Variants in DGKK observed in about 807,000 individuals in gnomAD.
DGKK encodes diacylglycerol kinase kappa.
DGKK carries 35 observed loss-of-function variants against 92.2 expected under a neutral mutation model. That is an observed-to-expected ratio of 0.38 (90% CI 0.29 to 0.50). The LOEUF is 0.50. Among genes scored for constraint, DGKK ranks in the 20% least tolerant of loss-of-function variants. The pLI, the probability that DGKK is intolerant of heterozygous loss-of-function variation, is 0.92. For missense variants in DGKK, 910 were observed against 992.2 expected (o/e 0.92, Z 1.11); for synonymous variants, 368 against 360.6 (o/e 1.02, Z -0.23).
intron 17 of DGKK, among the ~76,000 whole-genome samples, chrX:50,382,822 GCTTCAGTGGGAT>G (rs1274410937): frequency 1.4e-4 from 16 of 111,864 alleles, no homozygotes; most frequent in African/African-American, 5.2e-4. Flanking sequence ...CAGTTGGGAA[GCTTCAGTGGGAT>G]TGGAACTCAT....
rs186576845 is a variant in DGKK, at chrX:50,390,924, T to C, written c.1844+513A>G. ...CAATGTAAGCAAGTTATTTCTAAACTCTCCCTCCATCCCTTTTTTAGTTTC... is the reference window on the plus strand; with the variant it reads ...CAATGTAAGCAAGTTATTTCTAAACCCTCCCTCCATCCCTTTTTTAGTTTC... On this transcript the variant is annotated intron_variant, in intron 11 of 27. Transcript: ENST00000611977. 7.2e-5 allele frequency among the ~76,000 whole-genome samples: 8 copies of C among 111,528 alleles called. No individual in the cohort carries two copies. In the East Asian group the frequency reaches 2.3e-3, roughly 32 times the overall value.
At position 50,368,939 on chromosome X, in the gene DGKK, G is replaced by C; in HGVS notation, c.*1C>G. The C allele has an allele frequency of 4.2e-6, 5 of 1,203,838 alleles. No homozygotes were observed. Among genetic ancestry groups the C allele is most frequent in the Non-Finnish European group, 5.6e-6 (5 of 890,829 alleles). Reference sequence around the variant, plus strand: ...TTGTGAGTTCTTCCAGCTTTCAAGGGCTACAGTTGAGATCTCGATGGTGTT... The same window carrying C: ...TTGTGAGTTCTTCCAGCTTTCAAGGCCTACAGTTGAGATCTCGATGGTGTT... On this transcript the variant is annotated 3_prime_UTR_variant, in exon 28 of 28. Transcript: ENST00000611977.
chrX:50,457,169 G>C (rs922194912), intron 1 of DGKK, among the ~76,000 whole-genome samples: 1 of 111,549 alleles, frequency 9.0e-6, no homozygotes, highest in Admixed American at 9.5e-5. Flanking sequence ...ACGAACATTA[G>C]CATATTAAAA....
chrX:50,449,176 G>C (rs1477549524), intron 1 of DGKK, among the ~76,000 whole-genome samples: 1 of 111,489 alleles, frequency 9.0e-6, no homozygotes, highest in African/African-American at 3.3e-5. Flanking sequence ...CAAGAACCAT[G>C]TGCCCTTTAG....
intron 4 of DGKK, among the ~76,000 whole-genome samples, chrX:50,418,994 A>AG (rs2147135448): frequency 8.9e-6 from 1 of 112,237 alleles, no homozygotes; most frequent in Non-Finnish European, 1.9e-5. Context: ...ATTGGTCCAC[A>AG]GGGACAAAGA....
At chrX:50,438,065 G>T (rs549986198) in intron 1 of DGKK, among the ~76,000 whole-genome samples, 6 of 110,687 alleles carry the variant, frequency 5.4e-5, no homozygotes, top group Middle Eastern at 4.7e-3. Flanking sequence ...GAGAAGAACT[G>T]TCTTTTAATT....
In DGKK at chrX:50,375,003, C is replaced by T. The variant is rs376854796; in HGVS notation, c.3469G>A (p.Asp1157Asn). The T allele has an allele frequency of 9.9e-5, 119 of 1,207,733 alleles. No homozygotes were observed. The highest frequency in any genetic ancestry group is 2.3e-4 in the Middle Eastern group (1 of 4,343). The change falls in exon 25 of 28, where the codon GAT becomes AAT. Residue 1157 changes from aspartate to asparagine, a missense_variant. Coordinates refer to ENST00000611977, the MANE Select transcript of DGKK (RefSeq NM_001013742.4). ...TCATCCAGGAAAGCTGTGGTGTCAT[C>T]GTAGAGACCTTTAAGACTAAATGTA... is the stretch of plus-strand genomic sequence containing the variant. ...DVTFSLKGLYDDTTAFLDEKL... is the reference protein window; with the variant it reads ...DVTFSLKGLYNDTTAFLDEKL...
intron 13 of DGKK, 138 bp from the exon 14 acceptor site, chrX:50,387,791 C>A (rs1924586849): frequency 2.2e-6 from 1 of 451,335 alleles, no homozygotes; most frequent in Non-Finnish European, 3.7e-6. Context: ...CTGCTCCCAG[C>A]CTTTTTCTCT....
intron 1 of DGKK, among the ~76,000 whole-genome samples, chrX:50,437,902 A>G (rs1296523809): frequency 8.1e-5 from 9 of 110,953 alleles, no homozygotes; most frequent in African/African-American, 3.0e-4. Flanking sequence ...GCCCTAATCC[A>G]TATGTGCTGC....
intron 8 of DGKK, among the ~76,000 whole-genome samples, chrX:50,398,922 T>C (rs781880074): frequency 1.2e-3 from 133 of 112,310 alleles, no homozygotes; most frequent in African/African-American, 4.1e-3. Context: ...TTTCTTCTTG[T>C]ATCAACTGCA....
Position 50,390,398 on chromosome X carries a change from A to T in DGKK, c.1856T>A (p.Met619Lys), listed in dbSNP as rs1557225404. The stretch of plus-strand genomic sequence containing the variant: ...GGTTTGTCTGGGAGTCTCACGAATC[A>T]TCACACTCCATCTGAAATGAATTTC... ...SVRILDRWSV[M>K]IRETPRQTPL... Residue 619 changes from methionine to lysine, a missense_variant, in exon 12 of 28, where the codon ATG (methionine) becomes AAG (lysine). Physicochemically the swap from Met to Lys is moderately conservative, Grantham distance 95 (BLOSUM62 -1). Transcript: ENST00000611977. 1.7e-6 allele frequency: 2 copies of T among 1,208,840 alleles called. No homozygotes were observed. Among genetic ancestry groups the T allele is most frequent in the Non-Finnish European group, 2.2e-6 (2 of 892,817 alleles).
At chrX:50,419,872 C>T (rs1045762858) in intron 4 of DGKK, among the ~76,000 whole-genome samples, 1 of 112,036 alleles carries the variant, frequency 8.9e-6, no homozygotes, top group Admixed American at 9.4e-5. Context: ...TATTGCTCTT[C>T]CCTCTACATT....
intron 8 of DGKK, 141 bp downstream of exon 8, chrX:50,400,896 T>A (rs782357847): frequency 2.0e-6 from 1 of 511,004 alleles, no homozygotes; most frequent in African/African-American, 2.4e-5. Context: ...CCAGGAGCTA[T>A]CTATATACAC....
At chrX:50,370,790 C>G (rs782242058) in intron 26 of DGKK, among the ~76,000 whole-genome samples, 1 of 111,974 alleles carries the variant, frequency 8.9e-6, no homozygotes, top group South Asian at 3.8e-4. Flanking sequence ...TCATACAACT[C>G]TCAAAGCAAC....
chrX:50,388,401 G>A lies in DGKK; in HGVS notation c.2018+126C>T, dbSNP rs782322470. Reference sequence around the variant, plus strand: ...ACTTTCCATTCAGGGGGTTTGAGTTGGGAGAAATCTGATTTGGGAACATAA... The same window carrying A: ...ACTTTCCATTCAGGGGGTTTGAGTTAGGAGAAATCTGATTTGGGAACATAA... On this transcript the variant is annotated intron_variant, in intron 13 of 27. Coordinates refer to ENST00000611977, the MANE Select transcript of DGKK (RefSeq NM_001013742.4). The A allele has an allele frequency of 3.4e-4, 166 of 491,626 alleles. 1 individual carries two copies. The highest frequency in any genetic ancestry group is 9.3e-4 in the South Asian group (25 of 26,960). 40.5% of individuals were successfully genotyped at this position (491,626 alleles called of 1,213,427 possible).
intron 1 of DGKK, among the ~76,000 whole-genome samples, chrX:50,426,738 G>C (rs183824343): frequency 1.8e-5 from 2 of 111,882 alleles, no homozygotes; most frequent in African/African-American, 6.5e-5. Flanking sequence ...TATAAGCCCA[G>C]AGCAACAACT....
At chrX:50,406,199 A>G (rs1207256988) in intron 4 of DGKK, among the ~76,000 whole-genome samples, 2 of 112,003 alleles carry the variant, frequency 1.8e-5, no homozygotes, top group African/African-American at 3.3e-5. Flanking sequence ...ATAATATTAA[A>G]TTTCATCATC....
At chrX:50,399,532 G>C (rs1014814651) in intron 8 of DGKK, among the ~76,000 whole-genome samples, 6 of 112,056 alleles carry the variant, frequency 5.4e-5, no homozygotes, top group African/African-American at 1.9e-4. Flanking sequence ...ACACGTCAGA[G>C]ATGGACAAAT....
rs1229019299 is a variant in DGKK, at chrX:50,366,314, G to T, written c.*2626C>A. The stretch of plus-strand genomic sequence containing the variant: ...TTTTTGGGAAACTACTGGTAACTTA[G>T]CAATTTAGGAGGTAACTGAGGGATT... On this transcript the variant is annotated 3_prime_UTR_variant, in exon 28 of 28. Coordinates refer to ENST00000611977, the MANE Select transcript of DGKK (RefSeq NM_001013742.4). 9.0e-6 allele frequency: 1 copy of T among 111,730 alleles called. No homozygotes were observed. Among genetic ancestry groups the T allele is most frequent in the Non-Finnish European group, 1.9e-5 (1 of 53,139 alleles). 9.2% of individuals were successfully genotyped at this position (111,730 alleles called of 1,213,427 possible).
Sources: gnomAD v4.1 joint callset for allele counts (sites outside exome capture counted in the v4.1 genomes callset) on GRCh38, gnomAD v4.1.1 for gene constraint, MANE v1.5 for transcripts, NCBI Gene and HGNC (gene_info 2026-07-23, HGNC 2026-07-21) for gene names.